Variants in AK4 observed in about 807,000 individuals in gnomAD.
AK4 encodes adenylate kinase 4, mitochondrial.
Under a neutral mutation model 24.6 loss-of-function variants are expected in AK4, and 13 were observed. That is an observed-to-expected ratio of 0.53 (90% CI 0.34 to 0.84). The LOEUF (loss-of-function observed/expected upper bound fraction) is 0.84. Among genes scored for constraint, AK4 ranks in the 40% least tolerant of loss-of-function variants. The pLI is 0.01. For synonymous variants in AK4, 88 were observed against 107.0 expected (o/e 0.82, Z 1.10); for missense variants, 192 against 288.2 (o/e 0.67, Z 2.42).
At chr1:65,172,094 TATATA>T (rs1557444548) in intron 1 of AK4, among the ~76,000 whole-genome samples, 11 of 111,362 alleles carry the variant, frequency 9.9e-5, no homozygotes, top group African/African-American at 3.5e-4. Flanking sequence ...TATATATATA[TATATA>T]TATATTTAAA....
At chr1:65,213,527 C>T (rs372707296) in intron 2 of AK4, among the ~76,000 whole-genome samples, 2 of 152,168 alleles carry the variant, frequency 1.3e-5, no homozygotes, top group Non-Finnish European at 2.9e-5. Context: ...GGATGAGGGC[C>T]TTTCTTTCCT....
intron 2 of AK4, among the ~76,000 whole-genome samples, chr1:65,215,637 T>A (rs1198283136): frequency 6.6e-6 from 1 of 152,340 alleles, no homozygotes; most frequent in Non-Finnish European, 1.5e-5. Context: ...ATCTGTGGTC[T>A]TTAGCAGGTC....
rs183915831 is a variant in AK4 at position 65,199,727 on chromosome 1, C to T, written c.265+8898C>T. Among the ~76,000 whole-genome samples the T allele has an allele frequency of 2.8e-3, 420 of 152,250 alleles. 1 individual carries two copies. The highest frequency in any genetic ancestry group is 5.1e-3 in the Non-Finnish European group (347 of 68,032). On this transcript the variant is annotated intron_variant, in intron 2 of 4. Coordinates refer to ENST00000327299, the MANE Select transcript of AK4 (RefSeq NM_013410.4). The stretch of plus-strand genomic sequence containing the variant: ...ATTATATAGCTTGAGTATCTCTTAT[C>T]CAGAATGCTCGGGACCAGAAGTATT...
intron 3 of AK4, among the ~76,000 whole-genome samples, chr1:65,220,845 C>T (rs189446636): frequency 4.3e-4 from 66 of 152,144 alleles, no homozygotes; most frequent in Non-Finnish European, 8.2e-4. Flanking sequence ...GGGACTACAC[C>T]TCTTTATGTA....
intron 1 of AK4, among the ~76,000 whole-genome samples, chr1:65,156,536 T>C (rs1215082916): frequency 6.6e-6 from 1 of 152,212 alleles, no homozygotes; most frequent in Non-Finnish European, 1.5e-5. Flanking sequence ...CATTTTGGCC[T>C]CAGGTCCTTT....
At chr1:65,164,013 G>A (rs1316730926) in intron 1 of AK4, among the ~76,000 whole-genome samples, 1 of 152,176 alleles carries the variant, frequency 6.6e-6, no homozygotes, top group African/African-American at 2.4e-5. Flanking sequence ...AGATTTTACA[G>A]AGTGATGTTA....
intron 3 of AK4, among the ~76,000 whole-genome samples, chr1:65,222,674 G>A (rs1199078036): frequency 6.6e-6 from 1 of 152,158 alleles, no homozygotes; most frequent in East Asian, 1.9e-4. Flanking sequence ...GTCATGTTGG[G>A]TTAACAACCA....
chr1:65,160,069 G>C (rs12401887), intron 1 of AK4, among the ~76,000 whole-genome samples: 2 of 151,738 alleles, frequency 1.3e-5, no homozygotes, highest in Non-Finnish European at 2.9e-5. Flanking sequence ...AGAAACTAGC[G>C]TTCAAACCTG....
At chr1:65,154,045 C>A (rs10749750) in intron 1 of AK4, among the ~76,000 whole-genome samples, 75,474 of 152,034 alleles carry the variant, frequency 0.5, 22,366 homozygotes, top group African/African-American at 0.83. Context: ...GAAGGGTTTT[C>A]CATAGGACAA....
chr1:65,191,546 GTTTT>G (rs36049245), intron 2 of AK4, among the ~76,000 whole-genome samples: 1 of 145,842 alleles, frequency 6.9e-6, no homozygotes, highest in African/African-American at 2.5e-5. Context: ...GGGAAGGTAG[GTTTT>G]TTTTTTTCAG....
chr1:65,171,516 GGGCT>G (rs1557444094), intron 1 of AK4, among the ~76,000 whole-genome samples: 2 of 151,290 alleles, frequency 1.3e-5, no homozygotes, highest in Non-Finnish European at 2.9e-5. Context: ...TAAATTGGCC[GGGCT>G]GGTCTCAAAC....
chr1:65,159,303 C>T (rs1650077709), intron 1 of AK4, among the ~76,000 whole-genome samples: 1 of 152,196 alleles, frequency 6.6e-6, no homozygotes, highest in Non-Finnish European at 1.5e-5. Flanking sequence ...ACACAGATCT[C>T]CAGAGCAGTT....
intron 1 of AK4, among the ~76,000 whole-genome samples, chr1:65,178,823 A>AG (rs1242822278): frequency 3.3e-5 from 5 of 152,144 alleles, no homozygotes; most frequent in Non-Finnish European, 5.9e-5. Flanking sequence ...GGCACAGACA[A>AG]GGGGTCAAAG....
chr1:65,189,287 CT>C lies in AK4; in HGVS notation c.146-1407del, dbSNP rs11373489. Among the ~76,000 whole-genome samples, 1,173 of 132,482 alleles carry C rather than the reference CT, an allele frequency of 8.9e-3. 13 individuals are homozygous for C. Among genetic ancestry groups the C allele is most frequent in the African/African-American group, 0.028 (973 of 35,168 alleles). 86.9% of individuals were successfully genotyped at this position (132,482 alleles called of 152,430 possible). A position where few individuals can be genotyped will look rare whatever the true frequency, so the allele number is the denominator to read the frequency against. ...GTCTGTTGAGAATGTGATTCTCTCTCTTTTTTTTTTTTTTTTGAGATGGAGT... is the reference window on the plus strand; with the variant it reads ...GTCTGTTGAGAATGTGATTCTCTCTCTTTTTTTTTTTTTTTGAGATGGAGT... On this transcript the variant is annotated intron_variant, in intron 1 of 4. Coordinates refer to ENST00000327299, the MANE Select transcript of AK4 (RefSeq NM_013410.4).
chr1:65,189,450 G>A (rs1336388150), intron 1 of AK4, among the ~76,000 whole-genome samples: 1 of 151,436 alleles, frequency 6.6e-6, no homozygotes, highest in African/African-American at 2.4e-5. Flanking sequence ...GGCTAGTTTT[G>A]TATTTTTAGT....
At chr1:65,202,268 G>A (rs889748569) in intron 2 of AK4, among the ~76,000 whole-genome samples, 5 of 152,034 alleles carry the variant, frequency 3.3e-5, no homozygotes, top group African/African-American at 1.2e-4. Flanking sequence ...GTGGTTGCAG[G>A]CGCCTGTAGT....
At chr1:65,148,789 C>T (rs965530323) in intron 1 of AK4, among the ~76,000 whole-genome samples, 1 of 151,368 alleles carries the variant, frequency 6.6e-6, no homozygotes, top group African/African-American at 2.4e-5. Flanking sequence ...TCCACCGCTC[C>T]TCCTGTCGCG....
chr1:65,184,458 A>C (rs532791188), intron 1 of AK4, among the ~76,000 whole-genome samples: 3 of 152,348 alleles, frequency 2.0e-5, no homozygotes, highest in Admixed American at 6.5e-5. Context: ...AAAGGCAAAG[A>C]TAGTGGCCTC....
At chr1:65,180,123 C>T (rs1042427456) in intron 1 of AK4, among the ~76,000 whole-genome samples, 6 of 152,084 alleles carry the variant, frequency 3.9e-5, no homozygotes, top group Admixed American at 2.6e-4. Flanking sequence ...GGCTCTAAAG[C>T]GTATGTACTT....
Sources: allele counts gnomAD v4.1 joint callset (sites outside exome capture counted in the v4.1 genomes callset), GRCh38; gene constraint gnomAD v4.1.1; transcripts MANE v1.5; gene names NCBI Gene and HGNC (gene_info 2026-07-23, HGNC 2026-07-21).